Variants in CRISPLD2 observed in about 807,000 individuals in gnomAD.
CRISPLD2 encodes cysteine rich secretory protein LCCL domain containing 2.
A neutral mutation model predicts 71.1 loss-of-function variants in CRISPLD2; 47 were observed. That is an observed-to-expected ratio of 0.66 (90% CI 0.52 to 0.84). The LOEUF is 0.84. Among genes scored for constraint, CRISPLD2 ranks in the 40% least tolerant of loss-of-function variants. The pLI, the probability that CRISPLD2 is intolerant of heterozygous loss-of-function variation, is 0.00. For synonymous variants in CRISPLD2, 317 were observed against 250.1 expected, an observed-to-expected ratio of 1.27 and a Z score of -2.52; for missense variants, 830 against 651.1, an observed-to-expected ratio of 1.27 and a Z score of -2.99.
chr16:84,879,829 G>C (rs182645858), intron 12 of CRISPLD2, among the ~76,000 whole-genome samples: 8 of 152,238 alleles, frequency 5.3e-5, no homozygotes, highest in East Asian at 3.9e-4. Flanking sequence ...TGCCATTTTG[G>C]TTTCTTGGTC....
At chr16:84,837,725 G>A (rs1226552318) in intron 1 of CRISPLD2, among the ~76,000 whole-genome samples, 1 of 151,462 alleles carries the variant, frequency 6.6e-6, no homozygotes, top group African/African-American at 2.4e-5. Flanking sequence ...CCAGCCACAG[G>A]TTTCTTATCT....
At chr16:84,845,662 A>G (rs1916892536) in intron 2 of CRISPLD2, 124 bp from the exon 3 acceptor site, 2 of 714,310 alleles carry the variant, frequency 2.8e-6, no homozygotes, top group African/African-American at 1.8e-5. Context: ...GAACCCAGCA[A>G]TACAGCAGCA....
In CRISPLD2 at chr16:84,853,411, C is replaced by T. The variant is rs551105474; in HGVS notation, c.609-1318C>T. On this transcript the variant is annotated intron_variant, in intron 5 of 14. Coordinates refer to ENST00000262424, the MANE Select transcript of CRISPLD2 (RefSeq NM_031476.4). ...GATGTCTTGTGGCATGGCACGGACG[C>T]GATCATTCTGCCTCCGGAATGTGAG... 2.2e-4 allele frequency among the ~76,000 whole-genome samples: 34 copies of T among 152,274 alleles called. No individual in the cohort carries two copies. In the South Asian group the frequency reaches 3.3e-3, roughly 15 times the overall value.
rs929934514 is a variant in CRISPLD2 at position 84,824,678 on chromosome 16, CTG to C, written c.-75+4549_-75+4550del. 5.3e-5 allele frequency among the ~76,000 whole-genome samples: 8 copies of C among 152,334 alleles called. No individual in the cohort carries two copies. The Middle Eastern group carries it at 0.017, about 324-fold the overall frequency. ...TGGGAGGAAGTAACTGTTGTTTTTA[CTG>C]TGTTTAATTTCACTCCTGCCGTCTG... On this transcript the variant is annotated intron_variant, in intron 1 of 14. Coordinates refer to ENST00000262424, the MANE Select transcript of CRISPLD2 (RefSeq NM_031476.4).
In CRISPLD2 at chr16:84,873,839, T is replaced by G. The variant is rs144450703; in HGVS notation, c.1113-81T>G. The G allele has an allele frequency of 6.9e-3, 8,893 of 1,294,154 alleles. 50 individuals are homozygous for G. The highest frequency in any genetic ancestry group is 0.013 in the Middle Eastern group (67 of 5,232). The allele number at this position is 1,294,154 out of a possible 1,614,324, so 80.2% of individuals were successfully genotyped here. On this transcript the variant is annotated intron_variant, in intron 10 of 14. Coordinates refer to ENST00000262424, the MANE Select transcript of CRISPLD2 (RefSeq NM_031476.4). ...GTCGAGACTGCAAATAAGATAAGTA[T>G]AGGAGCAAGCGTTCACTTTTAGAAG...
chr16:84,854,673 T>TCCCG (rs1405000479), intron 5 of CRISPLD2, 56 bp from the exon 6 acceptor site: 1 of 1,298,610 alleles, frequency 7.7e-7, no homozygotes, highest in African/African-American at 1.5e-5. Flanking sequence ...AGAGGATCAG[T>TCCCG]CCCGAGGCCT....
At chr16:84,880,715 A>G (rs2071561088) in intron 13 of CRISPLD2, 131 bp downstream of exon 13, 1 of 598,734 alleles carries the variant, frequency 1.7e-6, no homozygotes, top group African/African-American at 1.9e-5. Context: ...TAATTAATTA[A>G]TTAATTTCGA....
chr16:84,843,255 C>T (rs940379682), intron 2 of CRISPLD2, among the ~76,000 whole-genome samples: 6 of 152,172 alleles, frequency 3.9e-5, no homozygotes, highest in South Asian at 2.1e-4. Context: ...CCACTCAGCC[C>T]GGCACCCTCA....
At chr16:84,829,838 A>G (rs1337232382) in intron 1 of CRISPLD2, among the ~76,000 whole-genome samples, 1 of 152,234 alleles carries the variant, frequency 6.6e-6, no homozygotes, top group African/African-American at 2.4e-5. Flanking sequence ...TGTGGACCAC[A>G]TGAAATGTTC....
chr16:84,850,438 C>CT, intron 4 of CRISPLD2, 130 bp from the exon 5 acceptor site: 1 of 708,814 alleles, frequency 1.4e-6, no homozygotes, highest in Middle Eastern at 2.5e-4. Flanking sequence ...GGGTTAGGGA[C>CT]TAATATCTGC....
intron 6 of CRISPLD2, among the ~76,000 whole-genome samples, chr16:84,860,144 C>A (rs1054229895): frequency 6.6e-6 from 1 of 152,156 alleles, no homozygotes; most frequent in South Asian, 2.1e-4. Flanking sequence ...AGTGGGCCAC[C>A]TTTTAATCCA....
At chr16:84,896,167 A>G (rs899546573) in intron 14 of CRISPLD2, among the ~76,000 whole-genome samples, 1 of 151,544 alleles carries the variant, frequency 6.6e-6, no homozygotes, top group African/African-American at 2.4e-5. Context: ...CCTCCCAGGT[A>G]GCTGGGATTA....
chr16:84,891,170 C>T (rs771050886), intron 14 of CRISPLD2, among the ~76,000 whole-genome samples: 7 of 152,168 alleles, frequency 4.6e-5, no homozygotes, highest in East Asian at 1.9e-4. Flanking sequence ...CAGGCGAGCT[C>T]GTAACAGGGC....
rs1916906078 is a variant in CRISPLD2 at position 84,846,039 on chromosome 16, A to C, written c.359+135A>C. The C allele has an allele frequency of 5.0e-6, 3 of 597,184 alleles. No individual in the cohort carries two copies. The South Asian group carries it at 6.4e-5, about 13-fold the overall frequency. The allele number at this position is 597,184 out of a possible 1,614,324, so 37.0% of individuals were successfully genotyped here. Reference sequence around the variant, plus strand: ...CACCCGTCCCATCGATATTCTGGGAAACTGAGGCTTGGCATCCAGGAACAC... The same window carrying C: ...CACCCGTCCCATCGATATTCTGGGACACTGAGGCTTGGCATCCAGGAACAC... On this transcript the variant is annotated intron_variant, in intron 3 of 14. Coordinates refer to ENST00000262424, the MANE Select transcript of CRISPLD2 (RefSeq NM_031476.4).
rs113056215 is a variant in CRISPLD2 at position 84,860,273 on chromosome 16, A to G, written c.709+5444A>G. 2.5e-3 allele frequency among the ~76,000 whole-genome samples: 387 copies of G among 152,342 alleles called. 3 individuals carry two copies. Among genetic ancestry groups the G allele is most frequent in the African/African-American group, 9.0e-3 (375 of 41,580 alleles). ...CTATTTAGTGGGCCCAAATCAAGAAATTCAGCCTGATTCAACTCTATGTTC... is the reference window on the plus strand; with the variant it reads ...CTATTTAGTGGGCCCAAATCAAGAAGTTCAGCCTGATTCAACTCTATGTTC... On this transcript the variant is annotated intron_variant, in intron 6 of 14. Coordinates refer to ENST00000262424, the MANE Select transcript of CRISPLD2 (RefSeq NM_031476.4).
Position 84,838,408 on chromosome 16 carries a change from C to G in CRISPLD2, c.-74-14C>G. The G allele has an allele frequency of 1.3e-6, 2 of 1,520,834 alleles. No homozygotes were observed. Among genetic ancestry groups the G allele is most frequent in the Admixed American group, 1.9e-5 (1 of 52,636 alleles). The allele number at this position is 1,520,834 out of a possible 1,614,324, so 94.2% of individuals were successfully genotyped here. ...CTAATGCGACTTCTCCCACCACCCT[C>G]TGCTTCCTTTCAGAGCTCAAGCGCC... On this transcript the variant is annotated splice_polypyrimidine_tract_variant and intron_variant, in intron 1 of 14. Transcript: ENST00000262424.
At chr16:84,838,830 G>A in intron 2 of CRISPLD2, 95 bp downstream of exon 2, 2 of 1,455,680 alleles carry the variant, frequency 1.4e-6, no homozygotes, top group Non-Finnish European at 1.9e-6. Context: ...TCCCCAGCCA[G>A]TGCGTGTGAT....
At chr16:84,846,177 T>G in intron 3 of CRISPLD2, 1 of 313,386 alleles carries the variant, frequency 3.2e-6, no homozygotes. Context: ...TTCCTTTCCT[T>G]CTTCCTTTCC....
intron 1 of CRISPLD2, among the ~76,000 whole-genome samples, chr16:84,825,774 T>TA (rs983081711): frequency 4.0e-5 from 6 of 150,884 alleles, no homozygotes; most frequent in African/African-American, 1.5e-4. Flanking sequence ...AATAAATAAA[T>TA]AAAAATAAAT....
Sources: gnomAD v4.1 joint callset for allele counts (sites outside exome capture counted in the v4.1 genomes callset) on GRCh38, gnomAD v4.1.1 for gene constraint, MANE v1.5 for transcripts, NCBI Gene and HGNC (gene_info 2026-07-23, HGNC 2026-07-21) for gene names.